The following CEP95 variants were observed in gnomAD, a reference collection of about 807,000 sequenced individuals.
CEP95 encodes centrosomal protein of 95 kDa.
In CEP95, 98 loss-of-function variants were observed where a neutral mutation model predicts 111.2. The ratio of observed to expected loss-of-function variants is 0.88; its 90% CI spans 0.75 to 1.04. The LOEUF is 1.04. Among genes scored for constraint, CEP95 ranks in the 50% least tolerant of loss-of-function variants. The probability of loss-of-function intolerance (pLI) is 0.00; values close to 1 mark genes in which losing one functional copy is unlikely to be tolerated. For missense variants in CEP95, 1,027 were observed against 977.2 expected (o/e 1.05, Z -0.68); for synonymous variants, 323 against 327.1 (o/e 0.99, Z 0.14).
chr17:64,516,248 A>G (rs2039137399), intron 4 of CEP95, among the ~76,000 whole-genome samples: 1 of 152,222 alleles, frequency 6.6e-6, no homozygotes, highest in South Asian at 2.1e-4. Context: ...AGTTATAGCT[A>G]CTGGTGAAAG....
chr17:64,517,065 G>T (rs543089221), intron 5 of CEP95, among the ~76,000 whole-genome samples: 28 of 148,398 alleles, frequency 1.9e-4, no homozygotes, highest in Non-Finnish European at 3.4e-4. Context: ...TTTCTTTTTT[G>T]AGACGGAGTC....
At position 64,532,687 on chromosome 17, in the gene CEP95, A is replaced by G; in HGVS notation, c.1673-152A>G. On this transcript the variant is annotated intron_variant, in intron 14 of 19. Transcript: ENST00000556440. ...TACCAGTAGTTGGCTTACTCCAATC[A>G]GAGGAGTAATGCAAATTATTATAAG... The G allele has an allele frequency of 2.8e-6, 4 of 1,437,266 alleles. No homozygotes were observed. In the South Asian group the frequency reaches 6.2e-5, roughly 22 times the overall value. The allele number at this position is 1,437,266 out of a possible 1,614,324, so 89.0% of individuals were successfully genotyped here. A position where few individuals can be genotyped will look rare whatever the true frequency, so the allele number is the denominator to read the frequency against.
intron 8 of CEP95, among the ~76,000 whole-genome samples, chr17:64,525,117 G>T (rs1555678798): frequency 6.6e-6 from 1 of 151,900 alleles, no homozygotes; most frequent in Non-Finnish European, 1.5e-5. Flanking sequence ...GAGGCGGGTG[G>T]ATCACTCGAG....
At chr17:64,517,732 C>T (rs1189011522) in intron 5 of CEP95, among the ~76,000 whole-genome samples, 2 of 142,166 alleles carry the variant, frequency 1.4e-5, no homozygotes, top group Admixed American at 1.5e-4. Flanking sequence ...TGGCATCTTG[C>T]TATATTGACC....
rs1168995194 is a variant in CEP95 at position 64,527,156 on chromosome 17, C to CTTTA, written c.1198_1199insTTTA (p.His400LeufsTer2). ...TGATCGGATTAAAGAAAAGACTGAC[C>CTTTA]ATAAAGAAGAAAATACTGGAAATGA... On this transcript the variant is annotated stop_gained and frameshift_variant, in exon 11 of 20. Coordinates refer to ENST00000556440, the MANE Select transcript of CEP95 (RefSeq NM_138363.3). LOFTEE classifies it high-confidence loss of function. 13 of 1,612,854 alleles carry CTTTA rather than the reference C, an allele frequency of 8.1e-6. No homozygotes were observed. Among genetic ancestry groups the CTTTA allele is most frequent in the Non-Finnish European group, 1.1e-5 (13 of 1,179,368 alleles).
chr17:64,506,955 G>C, upstream of CEP95: 1 of 876,758 alleles, frequency 1.1e-6, no homozygotes, highest in Non-Finnish European at 1.9e-6. Flanking sequence ...CTCTTTTAAC[G>C]TCCGTCCTTC....
At chr17:64,522,669 C>A in intron 7 of CEP95, 33 bp from the exon 8 acceptor site, 2 of 1,510,344 alleles carry the variant, frequency 1.3e-6, no homozygotes, top group Non-Finnish European at 1.8e-6. Context: ...CTTAGAATTG[C>A]ATCGTAATAT....
intron 5 of CEP95, among the ~76,000 whole-genome samples, chr17:64,517,859 A>G (rs973594000): frequency 1.3e-5 from 2 of 151,746 alleles, no homozygotes; most frequent in Non-Finnish European, 2.9e-5. Context: ...TAAACTTAAC[A>G]TTAAGTGTTC....
intron 1 of CEP95, 198 bp from the exon 2 acceptor site, chr17:64,508,394 C>T (rs1381509880): frequency 2.0e-6 from 2 of 983,896 alleles, no homozygotes; most frequent in Non-Finnish European, 2.4e-6. Context: ...CTCTGGAAAT[C>T]ATCCCAAGAA....
At chr17:64,507,201 G>C in intron 1 of CEP95, 85 bp downstream of exon 1, 2 of 1,537,398 alleles carry the variant, frequency 1.3e-6, no homozygotes, top group Non-Finnish European at 1.8e-6. Flanking sequence ...GACTGGGTCT[G>C]GGCTGTCGGC....
intron 4 of CEP95, among the ~76,000 whole-genome samples, chr17:64,515,377 T>C (rs1259902295): frequency 1.3e-5 from 2 of 152,218 alleles, no homozygotes; most frequent in Non-Finnish European, 2.9e-5. Context: ...TTTCTAGTCT[T>C]TTTAGTAACA....
In CEP95 at chr17:64,522,874, A is replaced by G. The variant is rs782529228; in HGVS notation, c.888A>G (p.Gly296=). The change falls in exon 8 of 20, where the codon GGA becomes GGG. Residue 296 remains glycine (G), a synonymous_variant. Coordinates refer to ENST00000556440, the MANE Select transcript of CEP95 (RefSeq NM_138363.3). ...GCTCCCCAGCCGTAAATTCTACTGG[A>G]GAGCATACGGAATTTTCTGGGGTAA... is the stretch of plus-strand genomic sequence containing the variant. ...SHCSPAVNST[G]EHTEFSGDLD... is the part of the protein sequence containing the mutation. The G allele has an allele frequency of 1.4e-5, 22 of 1,611,334 alleles. No homozygotes were observed. Among genetic ancestry groups the G allele is most frequent in the Non-Finnish European group, 1.8e-5 (21 of 1,178,938 alleles).
In CEP95 at chr17:64,532,857, G is replaced by C. The variant is rs782131231; in HGVS notation, c.1691G>C (p.Ser564Thr). ...KAVPMKVSEH[S>T]LLPLMLEQFP... ...CTTGCAGTGAAAGTAAGTGAACACA[G>C]TCTCCTGCCCCTTATGCTGGAGCAG... Residue 564 changes from serine (S) to threonine (T), a missense_variant, in exon 15 of 20, where the codon AGT (serine) becomes ACT (threonine). By Grantham distance (58) the Ser-to-Thr change is moderately conservative (BLOSUM62 1). Coordinates refer to ENST00000556440, the MANE Select transcript of CEP95 (RefSeq NM_138363.3). 1.2e-6 allele frequency: 2 copies of C among 1,609,362 alleles called. No individual in the cohort carries two copies. The highest frequency in any genetic ancestry group is 2.7e-5 in the African/African-American group (2 of 74,566).
chr17:64,511,775 A>G (rs920887993), intron 3 of CEP95, among the ~76,000 whole-genome samples: 10 of 152,186 alleles, frequency 6.6e-5, no homozygotes, highest in Non-Finnish European at 1.2e-4. Flanking sequence ...AATCTTTACA[A>G]TTCATGTTCA....
intron 14 of CEP95, chr17:64,532,402 T>C (rs1555680508): frequency 2.0e-6 from 2 of 985,226 alleles, no homozygotes; most frequent in African/African-American, 1.7e-5. Flanking sequence ...TGCCAATGAG[T>C]GTAGAGTCTT....
chr17:64,519,925 A>G (rs573638324), intron 6 of CEP95, among the ~76,000 whole-genome samples: 1 of 152,306 alleles, frequency 6.6e-6, no homozygotes, highest in Admixed American at 6.5e-5. Context: ...GCCCTCCTCC[A>G]ATCATCCTAC....
chr17:64,537,701 C>T lies in CEP95; in HGVS notation c.2388C>T (p.Phe796=). The change falls in exon 20 of 20, where the codon TTC becomes TTT. Residue 796 remains phenylalanine (F), a synonymous_variant. Coordinates refer to ENST00000556440, the MANE Select transcript of CEP95 (RefSeq NM_138363.3). ...CACAGAATGATGATGATGTTTTCTT[C>T]CGGGAACTGGAAGCTGAGCGCTTCA... ...MITQNDDDVF[F]RELEAERFRS... 6.2e-7 allele frequency: 1 copy of T among 1,613,212 alleles called. No homozygotes were observed. The highest frequency in any genetic ancestry group is 8.5e-7 in the Non-Finnish European group (1 of 1,179,554).
At chr17:64,534,818 C>T in intron 17 of CEP95, 81 bp downstream of exon 17, 1 of 1,507,140 alleles carries the variant, frequency 6.6e-7, no homozygotes, top group Non-Finnish European at 9.0e-7. Flanking sequence ...GTTCGTGACT[C>T]TTGTCCAAAT....
At chr17:64,532,522 C>T in intron 14 of CEP95, 2 of 985,392 alleles carry the variant, frequency 2.0e-6, no homozygotes, top group Non-Finnish European at 2.4e-6. Flanking sequence ...TAAGCACTTG[C>T]CTACCGGGAA....
Sources: allele counts gnomAD v4.1 joint callset (sites outside exome capture counted in the v4.1 genomes callset), GRCh38; gene constraint gnomAD v4.1.1; transcripts MANE v1.5; gene names NCBI Gene and HGNC (gene_info 2026-07-23, HGNC 2026-07-21).